The following ABCC8 variants were observed in gnomAD, a reference collection of about 807,000 sequenced individuals.
ABCC8 encodes ATP-binding cassette sub-family C member 8.
A neutral mutation model predicts 188.0 loss-of-function variants in ABCC8; 137 were observed. The ratio of observed to expected loss-of-function variants is 0.73; its 90% CI spans 0.63 to 0.84. The LOEUF is 0.84. Among genes scored for constraint, ABCC8 ranks in the 40% least tolerant of loss-of-function variants. The probability of loss-of-function intolerance (pLI) is 0.00; values close to 1 mark genes in which losing one functional copy is unlikely to be tolerated. For missense variants in ABCC8, 1,750 were observed against 2,072.7 expected (o/e 0.84, Z 3.02); for synonymous variants, 797 against 846.5 (o/e 0.94, Z 1.01).
In ABCC8 at chr11:17,416,909, GA is replaced by G. The variant is rs769506778; in HGVS notation, c.2255+20del. On this transcript the variant is annotated intron_variant, in intron 17 of 38. Coordinates refer to ENST00000389817, the MANE Select transcript of ABCC8 (RefSeq NM_000352.6). ...CTTCCCTTTGTTGAGACCCACTTCT[GA>G]CCCAGTCCCAAGGCTGTACCTGGGG... 7 of 1,588,360 alleles carry G rather than the reference GA, an allele frequency of 4.4e-6. No homozygotes were observed. Among genetic ancestry groups the G allele is most frequent in the Non-Finnish European group, 6.0e-6 (7 of 1,166,964 alleles).
At chr11:17,475,996 T>C (rs1848746445) in intron 1 of ABCC8, among the ~76,000 whole-genome samples, 1 of 152,330 alleles carries the variant, frequency 6.6e-6, no homozygotes, top group Non-Finnish European at 1.5e-5. Flanking sequence ...CGGAGCTACT[T>C]TGCGCAGAGC....
chr11:17,395,481 G>A (rs1270052140), intron 35 of ABCC8, 129 bp downstream of exon 35: 1 of 1,464,786 alleles, frequency 6.8e-7, no homozygotes, highest in Non-Finnish European at 9.2e-7. Context: ...CTGATGGGAT[G>A]GAGAAGGGCA....
At chr11:17,415,248 T>C in intron 18 of ABCC8, 56 bp downstream of exon 18, 2 of 1,580,564 alleles carry the variant, frequency 1.3e-6, no homozygotes, top group Non-Finnish European at 1.7e-6. Flanking sequence ...CCCTTGGGCC[T>C]GAGAGCACCC....
chr11:17,448,791 C>T lies in ABCC8; in HGVS notation c.1177-120G>A, dbSNP rs941669804. 5.8e-6 allele frequency: 9 copies of T among 1,545,366 alleles called. No individual in the cohort carries two copies. The Admixed American group carries it at 1.0e-4, about 17-fold the overall frequency. The stretch of plus-strand genomic sequence containing the variant: ...AGACAGTCCCCATGGTGCCCTAGAG[C>T]AGCTCTGTAAGGTGGTACTGTATCA... On this transcript the variant is annotated intron_variant, in intron 7 of 38. Transcript: ENST00000389817.
At chr11:17,450,555 T>C (rs994279080) in intron 7 of ABCC8, among the ~76,000 whole-genome samples, 19 of 150,362 alleles carry the variant, frequency 1.3e-4, no homozygotes, top group Non-Finnish European at 2.2e-4. Context: ...CCACCATGCC[T>C]GGCTAATTTT....
At chr11:17,472,289 C>T (rs1257979712) in intron 2 of ABCC8, among the ~76,000 whole-genome samples, 1 of 152,142 alleles carries the variant, frequency 6.6e-6, no homozygotes, top group Non-Finnish European at 1.5e-5. Flanking sequence ...CAGGCTTTAT[C>T]CAGTGTATGG....
At chr11:17,397,648 C>G in intron 31 of ABCC8, 36 bp downstream of exon 31, 1 of 1,602,742 alleles carries the variant, frequency 6.2e-7, no homozygotes. Flanking sequence ...GTGCTGGTGT[C>G]TGACCCCTCC....
At chr11:17,413,549 T>A in intron 19 of ABCC8, 71 bp from the exon 20 acceptor site, 2 of 1,612,002 alleles carry the variant, frequency 1.2e-6, no homozygotes, top group Non-Finnish European at 1.7e-6. Context: ...TTGCAGAGGG[T>A]CATTAGTCTC....
At chr11:17,428,064 C>G in intron 14 of ABCC8, 122 bp from the exon 15 acceptor site, 10 of 1,588,792 alleles carry the variant, frequency 6.3e-6, no homozygotes, top group Non-Finnish European at 8.6e-6. Context: ...CCCTGGATCA[C>G]TTCCAGAGCA....
chr11:17,458,791 C>T (rs1323654265), intron 6 of ABCC8, among the ~76,000 whole-genome samples: 1 of 152,248 alleles, frequency 6.6e-6, no homozygotes, highest in East Asian at 1.9e-4. Flanking sequence ...CAAATTCCTA[C>T]TCATCCGTCA....
At chr11:17,402,569 C>A in intron 29 of ABCC8, 92 bp downstream of exon 29, 1 of 1,611,642 alleles carries the variant, frequency 6.2e-7, no homozygotes, top group South Asian at 1.1e-5. Flanking sequence ...CTTGGCCTTC[C>A]CAAGTGGAGT....
intron 10 of ABCC8, among the ~76,000 whole-genome samples, chr11:17,437,558 G>A (rs1011982385): frequency 6.6e-6 from 1 of 152,248 alleles, no homozygotes; most frequent in Non-Finnish European, 1.5e-5. Context: ...TGAGGTGCAC[G>A]GGGCTGTTTC....
chr11:17,416,779 A>G, intron 17 of ABCC8, 151 bp downstream of exon 17: 2 of 1,234,972 alleles, frequency 1.6e-6, no homozygotes, highest in Non-Finnish European at 2.3e-6. Context: ...GCCCTCATTG[A>G]GAATGCAGGC....
intron 19 of ABCC8, among the ~76,000 whole-genome samples, chr11:17,413,716 T>C (rs746892565): frequency 6.6e-6 from 1 of 152,162 alleles, no homozygotes; most frequent in Non-Finnish European, 1.5e-5. Context: ...GGAACAAATA[T>C]GCAGAGTAAG....
chr11:17,433,139 G>A (rs1564932124), intron 10 of ABCC8, among the ~76,000 whole-genome samples: 1 of 152,126 alleles, frequency 6.6e-6, no homozygotes, highest in East Asian at 1.9e-4. Flanking sequence ...GGCCTAGGGT[G>A]TAAAATGCTC....
At position 17,427,352 on chromosome 11, in the gene ABCC8, C is replaced by T. The variant is rs768330089; in HGVS notation, c.2117-198G>A. ...ACATCCTCCTCTGGCTCCCCAGGTC[C>T]TTCCCCCTCTCTGATTTCCTGCCCC... On this transcript the variant is annotated intron_variant, in intron 15 of 38. Coordinates refer to ENST00000389817, the MANE Select transcript of ABCC8 (RefSeq NM_000352.6). The surrounding 1 kb of genome is among the most constrained non-coding windows in gnomAD (Gnocchi z 5.0). 5.7e-4 allele frequency: 374 copies of T among 657,222 alleles called. 2 individuals carry two copies. The highest frequency in any genetic ancestry group is 6.9e-4 in the Non-Finnish European group (365 of 530,456). 40.7% of individuals were successfully genotyped at this position (657,222 alleles called of 1,614,324 possible). A position where few individuals can be genotyped will look rare whatever the true frequency, so the allele number is the denominator to read the frequency against.
At chr11:17,476,363 G>A (rs1848775329) in intron 1 of ABCC8, among the ~76,000 whole-genome samples, 1 of 152,220 alleles carries the variant, frequency 6.6e-6, no homozygotes, top group South Asian at 2.1e-4. Flanking sequence ...CCAGCTCTTG[G>A]CCCTGCAGAA....
In ABCC8 at chr11:17,404,411, G is replaced by T; in HGVS notation, c.3557+101C>A. Reference sequence around the variant, plus strand: ...TTCTGTTTTTTGTTTTTATTTTTTGGAGGGAACACGACCCTATTACTCTCA... The same window carrying T: ...TTCTGTTTTTTGTTTTTATTTTTTGTAGGGAACACGACCCTATTACTCTCA... On this transcript the variant is annotated intron_variant, in intron 28 of 38. Coordinates refer to ENST00000389817, the MANE Select transcript of ABCC8 (RefSeq NM_000352.6). The surrounding 1 kb of genome is among the most constrained non-coding windows in gnomAD (Gnocchi z 4.7). 8.2e-7 allele frequency: 1 copy of T among 1,220,438 alleles called. No homozygotes were observed. The highest frequency in any genetic ancestry group is 1.2e-6 in the Non-Finnish European group (1 of 829,178). The allele number at this position is 1,220,438 out of a possible 1,614,324, so 75.6% of individuals were successfully genotyped here.
intron 1 of ABCC8, 114 bp from the exon 2 acceptor site, chr11:17,475,141 A>G (rs1312229577): frequency 1.4e-6 from 2 of 1,480,712 alleles, no homozygotes; most frequent in Non-Finnish European, 1.8e-6. Flanking sequence ...TGACACCTAC[A>G]CATGAGGATC....
Sources: allele counts gnomAD v4.1 joint callset (sites outside exome capture counted in the v4.1 genomes callset), GRCh38; gene constraint gnomAD v4.1.1; non-coding constraint Gnocchi (gnomAD v3.1); transcripts MANE v1.5; gene names NCBI Gene and HGNC (gene_info 2026-07-23, HGNC 2026-07-21).